The following PARVB variants were observed in gnomAD, a reference collection of about 807,000 sequenced individuals.
PARVB encodes the protein parvin beta.
PARVB carries 46 observed loss-of-function variants against 47.0 expected under a neutral mutation model. That is an observed-to-expected ratio of 0.98 (90% CI 0.77 to 1.25). The LOEUF (loss-of-function observed/expected upper bound fraction) is 1.25, where lower values mean the gene tolerates loss of function less well. PARVB is among the 50% of genes most tolerant of loss of function. PARVB has a pLI of 0.00. For missense variants in PARVB, 473 were observed against 471.6 expected (o/e 1.00, Z -0.03); for synonymous variants, 196 against 196.3 (o/e 1.00, Z 0.01).
chr22:44,087,858 T>C lies in PARVB; in HGVS notation c.113-6070T>C, dbSNP rs563219641. Reference sequence around the variant, plus strand: ...CAGGAACGATGGTGTTTTTTTTTTTTTTTTTCTTTTTTCTTTTTTTTAAAC... The same window carrying C: ...CAGGAACGATGGTGTTTTTTTTTTTCTTTTTCTTTTTTCTTTTTTTTAAAC... On this transcript the variant is annotated intron_variant, in intron 1 of 12. Transcript: ENST00000338758. Among the ~76,000 whole-genome samples the C allele has an allele frequency of 2.0e-5, 3 of 150,836 alleles. No homozygotes were observed. The East Asian group carries it at 5.8e-4, about 29-fold the overall frequency.
At chr22:44,029,094 C>G (rs985231148) in intron 1 of PARVB, among the ~76,000 whole-genome samples, 1 of 152,192 alleles carries the variant, frequency 6.6e-6, no homozygotes, top group Non-Finnish European at 1.5e-5. Flanking sequence ...AAGTGATCCT[C>G]ATGCCTCAGC....
chr22:44,027,663 C>T (rs955554948), intron 1 of PARVB, among the ~76,000 whole-genome samples: 9 of 152,000 alleles, frequency 5.9e-5, no homozygotes, highest in Non-Finnish European at 8.8e-5. Context: ...TCTGGGAGGC[C>T]GAGGTGGGTG....
intron 1 of PARVB, chr22:44,031,616 C>G (rs559241149): frequency 2.6e-5 from 4 of 151,894 alleles, no homozygotes; most frequent in Non-Finnish European, 5.9e-5. Context: ...ACAAACCTCC[C>G]AGCAGAGTCA....
At position 44,172,469 on chromosome 22, in the gene PARVB, G is replaced by A. The variant is rs1192211265; in HGVS notation, c.*3791G>A. 1 of 160,840 alleles carries A rather than the reference G, an allele frequency of 6.2e-6. No individual in the cohort carries two copies. The highest frequency in any genetic ancestry group is 1.4e-5 in the Non-Finnish European group (1 of 72,372). 10.0% of individuals were successfully genotyped at this position (160,840 alleles called of 1,614,324 possible). A position where few individuals can be genotyped will look rare whatever the true frequency, so the allele number is the denominator to read the frequency against. Reference sequence around the variant, plus strand: ...AGGCCCAAGTGGACGCTCGGACAAGGGCAGGAAGGTATTTGCTGATTCTCC... The same window carrying A: ...AGGCCCAAGTGGACGCTCGGACAAGAGCAGGAAGGTATTTGCTGATTCTCC... On this transcript the variant is annotated 3_prime_UTR_variant, in exon 13 of 13. Transcript: ENST00000338758.
chr22:44,058,225 C>A (rs1423742132), intron 1 of PARVB, among the ~76,000 whole-genome samples: 1 of 152,158 alleles, frequency 6.6e-6, no homozygotes, highest in Non-Finnish European at 1.5e-5. Context: ...GTCAGCAGGG[C>A]CTTGCTCCAT....
At chr22:44,151,377 G>A (rs1774916765) in intron 9 of PARVB, 106 bp from the exon 10 acceptor site, 3 of 799,368 alleles carry the variant, frequency 3.8e-6, no homozygotes, top group African/African-American at 3.4e-5. Context: ...AGGAGATGAT[G>A]AAAGCGTTTC....
intron 1 of PARVB, among the ~76,000 whole-genome samples, chr22:44,079,741 A>G (rs2147000632): frequency 6.6e-6 from 1 of 152,300 alleles, no homozygotes; most frequent in South Asian, 2.1e-4. Context: ...CAGCCTGGCC[A>G]ACATGGTGAA....
At chr22:44,071,796 C>T (rs73181227) in intron 1 of PARVB, among the ~76,000 whole-genome samples, 17,365 of 152,276 alleles carry the variant, frequency 0.11, 1,270 homozygotes, top group Middle Eastern at 0.2. Context: ...GTTATGGGAC[C>T]TTGACTTTCC....
intron 4 of PARVB, chr22:44,119,892 G>A (rs2053004376): frequency 1.9e-6 from 1 of 523,322 alleles, no homozygotes; most frequent in African/African-American, 1.9e-5. Context: ...CAGCTCATAT[G>A]GAAGAACGAG....
chr22:44,002,215 C>T (rs1187890981), intron 2 of PARVB, among the ~76,000 whole-genome samples: 1 of 152,218 alleles, frequency 6.6e-6, no homozygotes, highest in Non-Finnish European at 1.5e-5. Context: ...GGAGGAGTCT[C>T]AGGATCTCCA....
chr22:44,089,398 CTG>C lies in PARVB; in HGVS notation c.113-4529_113-4528del, dbSNP rs1437761751. The C allele has an allele frequency of 1.3e-5, 2 of 152,504 alleles. No homozygotes were observed. The highest frequency in any genetic ancestry group is 3.4e-3 in the Middle Eastern group (1 of 294). 9.4% of individuals were successfully genotyped at this position (152,504 alleles called of 1,614,324 possible). A position where few individuals can be genotyped will look rare whatever the true frequency, so the allele number is the denominator to read the frequency against. On this transcript the variant is annotated intron_variant, in intron 1 of 12. Transcript: ENST00000338758. This position sits in a 1 kb window ranked among gnomAD's most constrained non-coding sequence, Gnocchi z 4.0. ...TCACACCCTCCACACCCTCCAGACA[CTG>C]AGAGAATGCATGCCAGCATGCCTGT...
chr22:44,132,313 G>A (rs774431856), intron 5 of PARVB, among the ~76,000 whole-genome samples: 8 of 152,222 alleles, frequency 5.3e-5, no homozygotes, highest in South Asian at 2.1e-4. Context: ...GGCTGGGTCC[G>A]TGGGTGGGGA....
chr22:44,038,056 G>A (rs1043972692), intron 1 of PARVB, among the ~76,000 whole-genome samples: 5 of 152,138 alleles, frequency 3.3e-5, no homozygotes, highest in South Asian at 4.1e-4. Context: ...AAGCCCTCAC[G>A]TCCCCTGTTC....
intron 1 of PARVB, among the ~76,000 whole-genome samples, chr22:44,059,608 C>G (rs757379379): frequency 6.6e-6 from 1 of 152,132 alleles, no homozygotes; most frequent in Non-Finnish European, 1.5e-5. Flanking sequence ...TAGAAGGCAC[C>G]GGTATGGTAT....
At position 44,082,789 on chromosome 22, in the gene PARVB, A is replaced by C. The variant is rs148369424; in HGVS notation, c.113-11139A>C. Among the ~76,000 whole-genome samples the C allele has an allele frequency of 1.8e-3, 268 of 152,262 alleles. 1 individual carries two copies. Among genetic ancestry groups the C allele is most frequent in the Non-Finnish European group, 3.3e-3 (224 of 68,028 alleles). On this transcript the variant is annotated intron_variant, in intron 1 of 12. Coordinates refer to ENST00000338758, the MANE Select transcript of PARVB (RefSeq NM_013327.5). The stretch of plus-strand genomic sequence containing the variant: ...GTTCTAACATTTTCCTGATCACCCC[A>C]GGGACAAAGGGGAAGAAAAGACCGT...
chr22:44,075,831 C>T (rs2051759293), intron 1 of PARVB, among the ~76,000 whole-genome samples: 2 of 152,208 alleles, frequency 1.3e-5, no homozygotes, highest in Admixed American at 1.3e-4. Flanking sequence ...CCATTTGTTC[C>T]CTGTTTGCCT....
At chr22:44,149,650 C>T (rs2053759549) in intron 9 of PARVB, 1 of 152,292 alleles carries the variant, frequency 6.6e-6, no homozygotes. Flanking sequence ...CCATTAATGG[C>T]TCATGAAATC....
intron 5 of PARVB, among the ~76,000 whole-genome samples, 160 bp downstream of exon 5, chr22:44,131,787 G>A (rs377760593): frequency 2.3e-4 from 35 of 152,298 alleles, no homozygotes; most frequent in African/African-American, 8.4e-4. Context: ...AACATTGCAG[G>A]GGAGAAGAAC....
intron 1 of PARVB, among the ~76,000 whole-genome samples, chr22:44,061,266 T>TAAAAGTACAAA (rs1337300299): frequency 2.0e-5 from 3 of 152,038 alleles, no homozygotes; most frequent in Admixed American, 1.3e-4. Flanking sequence ...CAGTCTCTAC[T>TAAAAGTACAAA]AAAAGTACAA....
Sources: gnomAD v4.1 joint callset for allele counts (sites outside exome capture counted in the v4.1 genomes callset) on GRCh38, gnomAD v4.1.1 for gene constraint, Gnocchi (gnomAD v3.1) non-coding constraint, MANE v1.5 for transcripts, NCBI Gene and HGNC (gene_info 2026-07-23, HGNC 2026-07-21) for gene names.